Variants in PDS5A observed in about 807,000 individuals in gnomAD.
PDS5A encodes PDS5 cohesin associated factor A.
A neutral mutation model predicts 167.1 loss-of-function variants in PDS5A; 42 were observed. The observed-to-expected ratio is 0.25, with a 90% CI of 0.20 to 0.33. The LOEUF is 0.33. Among genes scored for constraint, PDS5A ranks in the 10% least tolerant of loss-of-function variants. The pLI is 1.00. For missense variants in PDS5A, 1,033 were observed against 1,605.9 expected, an observed-to-expected ratio of 0.64 and a Z score of 6.10; for synonymous variants, 553 against 554.6, an observed-to-expected ratio of 1.00 and a Z score of 0.04.
intron 2 of PDS5A, among the ~76,000 whole-genome samples, chr4:39,975,571 A>G (rs1234385810): frequency 6.6e-6 from 1 of 152,164 alleles, no homozygotes; most frequent in East Asian, 1.9e-4. Flanking sequence ...CCCTACCTGA[A>G]GATTTCAACG....
rs1326311112 is a variant in PDS5A at position 39,901,258 on chromosome 4, TTTTC to T, written c.1500-755_1500-752del. On this transcript the variant is annotated intron_variant, in intron 13 of 32. Coordinates refer to ENST00000303538, the MANE Select transcript of PDS5A (RefSeq NM_001100399.2). The stretch of plus-strand genomic sequence containing the variant: ...CTGCCAAAATGACAGTCTTTTTTTC[TTTTC>T]TTTCTTTTTTTTTTTTTTTTTTTTG... Among the ~76,000 whole-genome samples the T allele has an allele frequency of 4.8e-4, 69 of 142,712 alleles. 1 individual carries two copies. The highest frequency in any genetic ancestry group is 1.3e-3 in the African/African-American group (53 of 39,460). The allele number at this position is 142,712 out of a possible 152,430, so 93.6% of individuals were successfully genotyped here. A position where few individuals can be genotyped will look rare whatever the true frequency, so the allele number is the denominator to read the frequency against.
At chr4:39,938,704 G>C (rs1001911341) in intron 2 of PDS5A, among the ~76,000 whole-genome samples, 4 of 152,110 alleles carry the variant, frequency 2.6e-5, no homozygotes, top group Non-Finnish European at 4.4e-5. Flanking sequence ...AGGCGCAGTA[G>C]CTCATGCCTG....
intron 20 of PDS5A, among the ~76,000 whole-genome samples, chr4:39,873,759 T>G (rs1193292608): frequency 6.6e-6 from 1 of 152,146 alleles, no homozygotes; most frequent in African/African-American, 2.4e-5. Context: ...CATAAACACA[T>G]AAGGCTAGGT....
intron 2 of PDS5A, among the ~76,000 whole-genome samples, chr4:39,960,068 G>A (rs1299342739): frequency 6.6e-6 from 1 of 152,096 alleles, no homozygotes; most frequent in Non-Finnish European, 1.5e-5. Flanking sequence ...ACTCCAGCCT[G>A]GGCAACAGAG....
intron 8 of PDS5A, among the ~76,000 whole-genome samples, chr4:39,914,105 C>G (rs1724129591): frequency 6.6e-6 from 1 of 151,440 alleles, no homozygotes; most frequent in Admixed American, 6.6e-5. Context: ...TATAGGAAAT[C>G]TGCAATTTAC....
At position 39,844,709 on chromosome 4, in the gene PDS5A, T is replaced by G; in HGVS notation, c.3495A>C (p.Gly1165=). The G allele has an allele frequency of 6.2e-7, 1 of 1,613,546 alleles. No individual in the cohort carries two copies. The highest frequency in any genetic ancestry group is 8.5e-7 in the Non-Finnish European group (1 of 1,179,652). Residue 1165 remains glycine, a synonymous_variant, in exon 30 of 33, where the codon GGA becomes GGC. Transcript: ENST00000303538. ...GCTCTGAATTTACATTAATATTGCT[T>G]CCAGTCTCAGTGCCAGTGCTTCTAA... ...PYVRSTGTET[G]SNINVNSELN...
chr4:39,869,547 A>G, intron 21 of PDS5A, 85 bp from the exon 22 acceptor site: 1 of 814,120 alleles, frequency 1.2e-6, no homozygotes, highest in Middle Eastern at 2.9e-4. Context: ...GTTGATCAAC[A>G]CAGCCTCTGA....
intron 2 of PDS5A, among the ~76,000 whole-genome samples, chr4:39,938,132 C>T (rs527785400): frequency 2.0e-5 from 3 of 152,326 alleles, no homozygotes; most frequent in East Asian, 3.9e-4. Flanking sequence ...CTGTATATCA[C>T]TTTCCTTTTT....
chr4:39,967,173 CACGCACCTGTAATCCCA>C (rs1730052543), intron 2 of PDS5A, among the ~76,000 whole-genome samples: 1 of 150,150 alleles, frequency 6.7e-6, no homozygotes, highest in Admixed American at 6.7e-5. Flanking sequence ...GGTGTGGTGG[CACGCACCTGTAATCCCA>C]ACTACTCAGG....
intron 32 of PDS5A, 191 bp downstream of exon 32, chr4:39,837,665 T>C (rs1370397972): frequency 2.0e-6 from 1 of 488,906 alleles, no homozygotes; most frequent in Non-Finnish European, 3.6e-6. Context: ...AAAAAGATTT[T>C]TCTTCAAATT....
At chr4:39,952,403 T>C (rs73141223) in intron 2 of PDS5A, among the ~76,000 whole-genome samples, 3,810 of 152,308 alleles carry the variant, frequency 0.025, 168 homozygotes, top group African/African-American at 0.086. Flanking sequence ...TGGAAAAAAT[T>C]TGTCTAAATG....
intron 2 of PDS5A, among the ~76,000 whole-genome samples, chr4:39,929,555 A>C (rs1012067223): frequency 5.5e-5 from 7 of 126,828 alleles, no homozygotes; most frequent in South Asian, 2.5e-4. Flanking sequence ...ATATATATAT[A>C]TCCCATTAAT....
At chr4:39,976,843 C>G (rs1332383350) in intron 1 of PDS5A, among the ~76,000 whole-genome samples, 1 of 152,148 alleles carries the variant, frequency 6.6e-6, no homozygotes, top group Non-Finnish European at 1.5e-5. Context: ...CCGCCGTGGC[C>G]GCCGAACAGC....
chr4:39,873,044 G>T lies in PDS5A; in HGVS notation c.2378C>A (p.Ser793Tyr). 2 of 1,541,194 alleles carry T rather than the reference G, an allele frequency of 1.3e-6. No homozygotes were observed. The highest frequency in any genetic ancestry group is 2.3e-5 in the East Asian group (1 of 43,744). The change falls in exon 21 of 33, where the codon TCC becomes TAC. Residue 793 changes from serine to tyrosine, a missense_variant. Around this residue, in one of 4 missense-constraint regions of PDS5A, gnomAD observed 367 missense variants for 686.7 expected, o/e 0.53. Coordinates refer to ENST00000303538, the MANE Select transcript of PDS5A (RefSeq NM_001100399.2). ...ATTTGCTACTACAGATTTCATTGGG[G>T]AAGCAAACTGATCTGGTGCTAACAT... ...ISMLAPDQFASPMKSVVANFI... is the reference protein window; with the variant it reads ...ISMLAPDQFAYPMKSVVANFI...
Position 39,928,108 on chromosome 4 carries a change from C to G in PDS5A, c.195G>C (p.Gln65His). The part of the protein sequence containing the change: ...MDQDSEDEKQ[Q>H]YLPLALHLAS... ...CAAGATGCAAGGCTAGTGGGAGATA[C>G]TGCTGTTTTTCATCTTCTGAGTCCT... The change falls in exon 3 of 33, where the codon CAG becomes CAC. Residue 65 changes from glutamine (Q) to histidine (H), a missense_variant. Gln to His is a conservative substitution (Grantham distance 24). Coordinates refer to ENST00000303538, the MANE Select transcript of PDS5A (RefSeq NM_001100399.2). 1 of 1,613,158 alleles carries G rather than the reference C, an allele frequency of 6.2e-7. No individual in the cohort carries two copies.
intron 19 of PDS5A, among the ~76,000 whole-genome samples, chr4:39,874,866 C>A (rs2109578476): frequency 6.6e-6 from 1 of 152,152 alleles, no homozygotes; most frequent in East Asian, 1.9e-4. Context: ...AGAAAGTATG[C>A]AAAGATACAG....
At chr4:39,879,244 T>G (rs1720738505) in intron 18 of PDS5A, among the ~76,000 whole-genome samples, 1 of 152,148 alleles carries the variant, frequency 6.6e-6, no homozygotes, top group South Asian at 2.1e-4. Flanking sequence ...TAAAAGCCCG[T>G]GACACTACCT....
intron 17 of PDS5A, among the ~76,000 whole-genome samples, chr4:39,888,999 TG>T (rs1721735695): frequency 6.6e-6 from 1 of 152,200 alleles, no homozygotes; most frequent in African/African-American, 2.4e-5. Flanking sequence ...AGACATAGCC[TG>T]AATATATGTA....
In PDS5A at chr4:39,974,170, TCTA is replaced by T. The variant is rs1004418493; in HGVS notation, c.138+2267_138+2269del. On this transcript the variant is annotated intron_variant, in intron 2 of 32. Transcript: ENST00000303538. ...CATACTCTCCTCCTAGCCAAACTGC[TCTA>T]CTGAGACCAAGTCCTCGCTGGACTG... 20 of 576,510 alleles carry T rather than the reference TCTA, an allele frequency of 3.5e-5. No individual in the cohort carries two copies. The African/African-American group carries it at 3.7e-4, about 11-fold the overall frequency. The allele number at this position is 576,510 out of a possible 1,614,324, so 35.7% of individuals were successfully genotyped here.
Sources: gnomAD v4.1 joint callset for allele counts (sites outside exome capture counted in the v4.1 genomes callset) on GRCh38, gnomAD v4.1.1 for gene constraint, gnomAD v4.1.1 regional missense constraint, MANE v1.5 for transcripts, NCBI Gene and HGNC (gene_info 2026-07-23, HGNC 2026-07-21) for gene names.